Variants in SIPA1L1 observed in about 807,000 individuals in gnomAD.
The protein encoded by SIPA1L1 is signal induced proliferation associated 1 like 1.
In SIPA1L1, 26 loss-of-function variants were observed where a neutral mutation model predicts 162.7. The observed-to-expected ratio is 0.16, with a 90% CI of 0.12 to 0.22. The LOEUF (loss-of-function observed/expected upper bound fraction) is 0.22, where lower values mean the gene tolerates loss of function less well. Ranked by LOEUF, SIPA1L1 falls within the 10% of genes least tolerant of loss-of-function variation. The pLI is 1.00. For synonymous variants in SIPA1L1, 829 were observed against 837.4 expected (o/e 0.99, Z 0.17); for missense variants, 1,874 against 2,241.0 (o/e 0.84, Z 3.31).
intron 2 of SIPA1L1, among the ~76,000 whole-genome samples, chr14:71,449,310 T>C (rs2045640611): frequency 6.6e-6 from 1 of 152,250 alleles, no homozygotes; most frequent in Non-Finnish European, 1.5e-5. Context: ...TTTGTGTGGA[T>C]GGCTTGATTA....
intron 2 of SIPA1L1, among the ~76,000 whole-genome samples, chr14:71,419,235 G>GT (rs34732746): frequency 0.026 from 3,657 of 142,542 alleles, 65 homozygotes; most frequent in Middle Eastern, 0.075. Context: ...TTCTTTCAGG[G>GT]TTTTTTTTTT....
At chr14:71,497,351 C>T (rs940878770) in intron 2 of SIPA1L1, among the ~76,000 whole-genome samples, 3 of 152,082 alleles carry the variant, frequency 2.0e-5, no homozygotes, top group East Asian at 1.9e-4. Context: ...TGGCCCATAC[C>T]GTTCTAAATG....
chr14:71,490,992 T>C (rs1272820242), intron 2 of SIPA1L1, among the ~76,000 whole-genome samples: 1 of 152,228 alleles, frequency 6.6e-6, no homozygotes, highest in Non-Finnish European at 1.5e-5. Context: ...ATATTTATCA[T>C]ATCCTAATAT....
chr14:71,467,550 G>A (rs968210795), intron 2 of SIPA1L1, among the ~76,000 whole-genome samples: 1 of 152,084 alleles, frequency 6.6e-6, no homozygotes, highest in Non-Finnish European at 1.5e-5. Context: ...ATTTAAAAAC[G>A]TAATTGTGGT....
intron 2 of SIPA1L1, among the ~76,000 whole-genome samples, chr14:71,360,993 A>T (rs920850725): frequency 1.3e-5 from 2 of 152,012 alleles, no homozygotes; most frequent in Non-Finnish European, 2.9e-5. Flanking sequence ...GAAAAGAGAG[A>T]TGATTTGTAT....
At chr14:71,467,816 G>A (rs1427869562) in intron 2 of SIPA1L1, among the ~76,000 whole-genome samples, 1 of 144,460 alleles carries the variant, frequency 6.9e-6, no homozygotes. Context: ...AGCAGTTCAG[G>A]ACCAACCTGC....
intron 8 of SIPA1L1, among the ~76,000 whole-genome samples, chr14:71,651,372 T>G (rs2149089575): frequency 6.6e-6 from 1 of 152,346 alleles, no homozygotes; most frequent in Admixed American, 6.5e-5. Context: ...AATAAGGAGT[T>G]GAGTCATGAA....
intron 2 of SIPA1L1, among the ~76,000 whole-genome samples, chr14:71,367,687 A>G (rs528363153): frequency 6.8e-6 from 1 of 146,900 alleles, no homozygotes; most frequent in South Asian, 2.2e-4. Context: ...GCTCACTGCA[A>G]CCTCTGCCTC....
intron 12 of SIPA1L1, among the ~76,000 whole-genome samples, chr14:71,676,158 C>G (rs970737859): frequency 8.0e-5 from 12 of 149,524 alleles, no homozygotes; most frequent in Admixed American, 2.7e-4. Flanking sequence ...GGGGGGCGTG[C>G]TGGCACATGC....
At chr14:71,345,321 A>G (rs909716690) in intron 2 of SIPA1L1, among the ~76,000 whole-genome samples, 2 of 152,112 alleles carry the variant, frequency 1.3e-5, no homozygotes, top group Non-Finnish European at 2.9e-5. Context: ...GTCATCAGAC[A>G]GTTGTTGACG....
At chr14:71,657,971 C>G (rs932718505) in intron 8 of SIPA1L1, among the ~76,000 whole-genome samples, 6 of 152,252 alleles carry the variant, frequency 3.9e-5, no homozygotes, top group East Asian at 1.9e-4. Context: ...TTGTGCTCAT[C>G]ATGTCTTCAG....
intron 4 of SIPA1L1, among the ~76,000 whole-genome samples, chr14:71,552,477 C>T (rs1194311796): frequency 5.3e-5 from 8 of 151,786 alleles, no homozygotes; most frequent in East Asian, 3.9e-4. Flanking sequence ...CTGCAAGCTC[C>T]GCCTCCCAGG....
At chr14:71,458,547 T>C (rs1265157593) in intron 2 of SIPA1L1, among the ~76,000 whole-genome samples, 1 of 152,226 alleles carries the variant, frequency 6.6e-6, no homozygotes, top group African/African-American at 2.4e-5. Flanking sequence ...GCTGCGACTT[T>C]GGTGTGCATA....
chr14:71,413,826 A>G (rs752179004), intron 2 of SIPA1L1: 1 of 152,258 alleles, frequency 6.6e-6, no homozygotes, highest in Non-Finnish European at 1.5e-5. Context: ...ATAAAATTTC[A>G]TAATTGTGAT....
intron 4 of SIPA1L1, among the ~76,000 whole-genome samples, chr14:71,569,367 G>T (rs992655376): frequency 6.6e-6 from 1 of 152,312 alleles, no homozygotes. Context: ...GCACTAAGGG[G>T]TGGAATTAGT....
intron 4 of SIPA1L1, among the ~76,000 whole-genome samples, chr14:71,539,301 G>A (rs1304308700): frequency 6.6e-6 from 1 of 152,162 alleles, no homozygotes; most frequent in African/African-American, 2.4e-5. Context: ...CTCTTTGCTT[G>A]TGTGGCCTAG....
intron 2 of SIPA1L1, among the ~76,000 whole-genome samples, chr14:71,428,363 A>G (rs555619120): frequency 7.8e-4 from 117 of 149,656 alleles, no homozygotes; most frequent in African/African-American, 2.7e-3. Flanking sequence ...CTTCCTTATG[A>G]TTTGCGGTTT....
intron 2 of SIPA1L1, among the ~76,000 whole-genome samples, chr14:71,484,252 G>A (rs1486145402): frequency 7.8e-6 from 1 of 128,726 alleles, no homozygotes; most frequent in Non-Finnish European, 1.7e-5. Flanking sequence ...TTGTTATTTT[G>A]TTTGAAGCTT....
intron 2 of SIPA1L1, among the ~76,000 whole-genome samples, chr14:71,419,347 G>T (rs2140518077): frequency 6.6e-6 from 1 of 151,876 alleles, no homozygotes; most frequent in South Asian, 2.1e-4. Context: ...AATTGACTAG[G>T]TAACATTTGA....
Sources: gnomAD v4.1 joint callset for allele counts (sites outside exome capture counted in the v4.1 genomes callset) on GRCh38, gnomAD v4.1.1 for gene constraint, MANE v1.5 for transcripts, NCBI Gene and HGNC (gene_info 2026-07-23, HGNC 2026-07-21) for gene names.